FOCAD: variants seen among roughly 807,000 people sequenced by gnomAD.
The protein encoded by FOCAD is focadhesin, also known as KIAA1797.
FOCAD carries 198 observed loss-of-function variants against 225.6 expected under a neutral mutation model. That is an observed-to-expected ratio of 0.88 (90% CI 0.78 to 0.99). The LOEUF is 0.99. FOCAD is among the 50% of genes least tolerant of loss of function. The pLI, the probability that FOCAD is intolerant of heterozygous loss-of-function variation, is 0.00. For synonymous variants in FOCAD, 897 were observed against 755.0 expected (o/e 1.19, Z -3.08); for missense variants, 2,713 against 2,123.6 (o/e 1.28, Z -5.46).
At chr9:20,861,448 A>T (rs1478010569) in intron 15 of FOCAD, among the ~76,000 whole-genome samples, 4 of 152,180 alleles carry the variant, frequency 2.6e-5, no homozygotes, top group Admixed American at 6.5e-5. Flanking sequence ...TGCCCTTAGG[A>T]AAGGTTAGTT....
At chr9:20,907,115 G>A (rs1332201649) in intron 21 of FOCAD, 35 bp from the exon 22 acceptor site, 3 of 1,466,646 alleles carry the variant, frequency 2.0e-6, no homozygotes, top group South Asian at 1.1e-5. Flanking sequence ...TTAATACTGT[G>A]TAGCCTAATA....
chr9:20,664,533 G>A (rs1309733219), intron 2 of FOCAD, among the ~76,000 whole-genome samples: 2 of 151,752 alleles, frequency 1.3e-5, no homozygotes, highest in Non-Finnish European at 2.9e-5. Context: ...GAGGAATAAG[G>A]CAAATAAGCA....
chr9:20,863,679 C>A (rs1828980502), intron 16 of FOCAD: 1 of 152,044 alleles, frequency 6.6e-6, no homozygotes, highest in African/African-American at 2.4e-5. Context: ...CACCAACATT[C>A]TTTCTTATGG....
chr9:20,809,081 A>C (rs1028162640), intron 11 of FOCAD, among the ~76,000 whole-genome samples: 1 of 152,152 alleles, frequency 6.6e-6, no homozygotes, highest in Non-Finnish European at 1.5e-5. Flanking sequence ...TGTTATGGCC[A>C]TTTTACCACA....
chr9:20,866,917 T>TTTTTTTTTTTTTTTTA lies in FOCAD; in HGVS notation c.2107-12_2107-11insTTTTTTTTTTTTTTTA. On this transcript the variant is annotated splice_polypyrimidine_tract_variant and intron_variant, in intron 17 of 43. Coordinates refer to ENST00000338382, the MANE Select transcript of FOCAD (RefSeq NM_001375567.1). ...TTTTTTTTTTTTTTTTTTTTTTTTT[T>TTTTTTTTTTTTTTTTA]ACCCTATCTAGGACCCAATTGTAGC... 1 of 764,964 alleles carries TTTTTTTTTTTTTTTTA rather than the reference T, an allele frequency of 1.3e-6. No individual in the cohort carries two copies. Among genetic ancestry groups the TTTTTTTTTTTTTTTTA allele is most frequent in the Non-Finnish European group, 2.0e-6 (1 of 498,462 alleles). The allele number at this position is 764,964 out of a possible 1,614,324, so 47.4% of individuals were successfully genotyped here. A position where few individuals can be genotyped will look rare whatever the true frequency, so the allele number is the denominator to read the frequency against.
chr9:20,925,926 A>G (rs1251117282), intron 25 of FOCAD, among the ~76,000 whole-genome samples: 2 of 152,218 alleles, frequency 1.3e-5, no homozygotes, highest in African/African-American at 4.8e-5. Context: ...ATAAGAAGTC[A>G]TAGAAATGAG....
rs1833055834 is a variant in FOCAD at position 20,907,229 on chromosome 9, A to AT, written c.2706dup (p.Ala903CysfsTer22). 1.2e-6 allele frequency: 2 copies of AT among 1,613,068 alleles called. No individual in the cohort carries two copies. The highest frequency in any genetic ancestry group is 1.7e-6 in the Non-Finnish European group (2 of 1,179,382). ...CTTGCATACATGAATCGAGCTTATC[A>AT]TGCCATTTTACAGGTAATGAAACCA... On this transcript the variant is annotated frameshift_variant, in exon 22 of 44. Transcript: ENST00000338382. LOFTEE classifies it high-confidence loss of function.
At position 20,721,845 on chromosome 9, in the gene FOCAD, T is replaced by G. The variant is rs191586178; in HGVS notation, c.287+1311T>G. On this transcript the variant is annotated intron_variant, in intron 4 of 43. Coordinates refer to ENST00000338382, the MANE Select transcript of FOCAD (RefSeq NM_001375567.1). ...TTGTGTCTTTTTGGCACCTTGGTCT[T>G]AATTTTGCCCTGTTCTGCCCTGCCT... 4.3e-4 allele frequency among the ~76,000 whole-genome samples: 65 copies of G among 150,278 alleles called. No individual in the cohort carries two copies. The East Asian group carries it at 8.9e-3, about 21-fold the overall frequency.
At chr9:20,902,957 T>A (rs1057184977) in intron 21 of FOCAD, among the ~76,000 whole-genome samples, 1 of 151,994 alleles carries the variant, frequency 6.6e-6, no homozygotes, top group African/African-American at 2.4e-5. Context: ...GTGATTTTTT[T>A]AAACTAGGTA....
At chr9:20,818,170 T>G (rs1489431526) in intron 11 of FOCAD, among the ~76,000 whole-genome samples, 1 of 152,194 alleles carries the variant, frequency 6.6e-6, no homozygotes, top group Non-Finnish European at 1.5e-5. Flanking sequence ...GCCATTTGTT[T>G]ATCATCTTTG....
At chr9:20,700,695 T>C (rs2131403317) in intron 1 of FOCAD, among the ~76,000 whole-genome samples, 1 of 152,366 alleles carries the variant, frequency 6.6e-6, no homozygotes, top group South Asian at 2.1e-4. Flanking sequence ...TTGGTCTTTG[T>C]TTCATGAGTC....
At chr9:20,958,805 C>T (rs1838439513) in intron 35 of FOCAD, among the ~76,000 whole-genome samples, 1 of 152,094 alleles carries the variant, frequency 6.6e-6, no homozygotes, top group African/African-American at 2.4e-5. Flanking sequence ...CTTTCTGTTC[C>T]TGGCTTATTT....
At chr9:20,734,901 G>A (rs368527063) in intron 4 of FOCAD, among the ~76,000 whole-genome samples, 2 of 152,158 alleles carry the variant, frequency 1.3e-5, no homozygotes, top group African/African-American at 4.8e-5. Flanking sequence ...GCCTCCCAAA[G>A]TGCTGGGATT....
At chr9:20,727,784 A>G (rs541783749) in intron 4 of FOCAD, among the ~76,000 whole-genome samples, 27 of 152,286 alleles carry the variant, frequency 1.8e-4, no homozygotes, top group African/African-American at 6.5e-4. Flanking sequence ...TTAAAAAGGG[A>G]CTTGGCCACA....
intron 2 of FOCAD, among the ~76,000 whole-genome samples, chr9:20,671,737 T>C (rs897739267): frequency 1.3e-5 from 2 of 152,200 alleles, no homozygotes; most frequent in African/African-American, 2.4e-5. Context: ...AAAAGTTTCC[T>C]GTATTGCTCC....
intron 15 of FOCAD, among the ~76,000 whole-genome samples, chr9:20,824,049 G>A (rs949061982): frequency 1.1e-4 from 17 of 152,014 alleles, no homozygotes; most frequent in Non-Finnish European, 1.9e-4. Context: ...AGCAGGCAGT[G>A]AACATCATTG....
intron 2 of FOCAD, among the ~76,000 whole-genome samples, chr9:20,661,506 G>C (rs1288416519): frequency 6.6e-6 from 1 of 152,198 alleles, no homozygotes; most frequent in Non-Finnish European, 1.5e-5. Context: ...TTGTTCACTT[G>C]ATGGGCCAAG....
At chr9:20,887,160 C>G (rs978800530) in intron 21 of FOCAD, among the ~76,000 whole-genome samples, 3 of 152,108 alleles carry the variant, frequency 2.0e-5, no homozygotes, top group Admixed American at 2.0e-4. Context: ...TTTCTTCAAA[C>G]CCTGCTTTTG....
intron 18 of FOCAD, 59 bp downstream of exon 18, chr9:20,867,071 C>T: frequency 8.9e-7 from 1 of 1,128,202 alleles, no homozygotes; most frequent in Non-Finnish European, 1.3e-6. Flanking sequence ...ACAACTTTTT[C>T]TCTCTCATCT....
Sources: gnomAD v4.1 joint callset for allele counts (sites outside exome capture counted in the v4.1 genomes callset) on GRCh38, gnomAD v4.1.1 for gene constraint, MANE v1.5 for transcripts, NCBI Gene and HGNC (gene_info 2026-07-23, HGNC 2026-07-21) for gene names.